RORA: variants seen among roughly 807,000 people sequenced by gnomAD.
RORA encodes the protein RAR related orphan receptor A.
In RORA, 7 loss-of-function variants were observed where a neutral mutation model predicts 69.5. The ratio of observed to expected loss-of-function variants is 0.10; its 90% confidence interval spans 0.06 to 0.19. RORA has a LOEUF of 0.19. RORA is among the 10% of genes least tolerant of loss of function. RORA has a pLI of 1.00. For missense variants in RORA, 457 were observed against 663.0 expected, an observed-to-expected ratio of 0.69 and a Z score of 3.41; for synonymous variants, 261 against 240.8, an observed-to-expected ratio of 1.08 and a Z score of -0.78.
At chr15:60,504,574 A>T (rs1446946309) in intron 6 of RORA, among the ~76,000 whole-genome samples, 1 of 152,130 alleles carries the variant, frequency 6.6e-6, no homozygotes, top group Non-Finnish European at 1.5e-5. Flanking sequence ...AAACTGGTGG[A>T]TATGGGAGCC....
chr15:60,901,497 T>C (rs780244376), intron 1 of RORA, among the ~76,000 whole-genome samples: 8 of 152,184 alleles, frequency 5.3e-5, no homozygotes, highest in Admixed American at 4.6e-4. Flanking sequence ...AATGGTTCTG[T>C]CCATTTTTAC....
intron 2 of RORA, among the ~76,000 whole-genome samples, chr15:60,657,981 G>C (rs1340889173): frequency 1.3e-5 from 2 of 152,156 alleles, no homozygotes; most frequent in African/African-American, 4.8e-5. Context: ...AAAATATTTA[G>C]ATGGTGCATT....
intron 1 of RORA, among the ~76,000 whole-genome samples, chr15:60,990,502 A>G (rs1894339565): frequency 6.6e-6 from 1 of 152,200 alleles, no homozygotes; most frequent in African/African-American, 2.4e-5. Flanking sequence ...TTCATTTCCA[A>G]TCATTCCCGG....
At chr15:60,792,668 T>G (rs1381601179) in intron 1 of RORA, among the ~76,000 whole-genome samples, 1 of 152,218 alleles carries the variant, frequency 6.6e-6, no homozygotes, top group South Asian at 2.1e-4. Flanking sequence ...TGAAAAACAT[T>G]GTCAACCCAG....
At chr15:60,568,857 G>C (rs1190374376) in intron 2 of RORA, among the ~76,000 whole-genome samples, 3 of 151,634 alleles carry the variant, frequency 2.0e-5, no homozygotes, top group South Asian at 2.1e-4. Context: ...GGAACAGGGA[G>C]TTGTTGATGA....
At chr15:60,703,621 C>T (rs1007197342) in intron 1 of RORA, among the ~76,000 whole-genome samples, 2 of 152,174 alleles carry the variant, frequency 1.3e-5, no homozygotes, top group African/African-American at 2.4e-5. Context: ...GAGGCTTAAT[C>T]TTCTTAATAG....
At chr15:61,064,889 A>G (rs534948619) in intron 1 of RORA, among the ~76,000 whole-genome samples, 2 of 152,216 alleles carry the variant, frequency 1.3e-5, no homozygotes, top group East Asian at 3.9e-4. Flanking sequence ...CCCTTCACAC[A>G]TAATGAAGCT....
intron 1 of RORA, among the ~76,000 whole-genome samples, chr15:61,082,900 C>T (rs1200436558): frequency 6.6e-6 from 1 of 152,114 alleles, no homozygotes; most frequent in African/African-American, 2.4e-5. Flanking sequence ...TCAGTAGAAG[C>T]TTAGAAAGCT....
At chr15:60,989,456 T>A (rs1161276761) in intron 1 of RORA, among the ~76,000 whole-genome samples, 1 of 152,264 alleles carries the variant, frequency 6.6e-6, no homozygotes, top group East Asian at 1.9e-4. Context: ...TATTTATGTA[T>A]CCATTAATCA....
chr15:60,780,928 C>T (rs1188906071), intron 1 of RORA, among the ~76,000 whole-genome samples: 1 of 152,224 alleles, frequency 6.6e-6, no homozygotes, highest in African/African-American at 2.4e-5. Flanking sequence ...ATGCAATCTT[C>T]CAAGTGCTTT....
At chr15:60,634,160 T>C (rs1287130152) in intron 2 of RORA, among the ~76,000 whole-genome samples, 1 of 152,192 alleles carries the variant, frequency 6.6e-6, no homozygotes, top group East Asian at 1.9e-4. Context: ...TTTTCTGTAA[T>C]GATGGAGTTT....
chr15:60,865,524 C>T (rs2073477969), intron 1 of RORA, among the ~76,000 whole-genome samples: 1 of 152,180 alleles, frequency 6.6e-6, no homozygotes, highest in Admixed American at 6.5e-5. Flanking sequence ...TTGGCCAGAA[C>T]CTCAATGCCC....
intron 1 of RORA, among the ~76,000 whole-genome samples, chr15:60,949,756 CT>C (rs1893024748): frequency 6.6e-6 from 1 of 152,202 alleles, no homozygotes; most frequent in African/African-American, 2.4e-5. Flanking sequence ...CATGTTGCTC[CT>C]CCTTATATCT....
chr15:60,946,601 G>A (rs1180004069), intron 1 of RORA, among the ~76,000 whole-genome samples: 2 of 152,156 alleles, frequency 1.3e-5, no homozygotes, highest in South Asian at 2.1e-4. Context: ...GTGCAGTGGC[G>A]TGATCTCGGG....
At chr15:60,716,550 C>CCTG (rs1446976383) in intron 1 of RORA, among the ~76,000 whole-genome samples, 2 of 152,096 alleles carry the variant, frequency 1.3e-5, no homozygotes, top group Non-Finnish European at 2.9e-5. Context: ...ATCCACAGTC[C>CCTG]CTGGCTCATA....
intron 1 of RORA, among the ~76,000 whole-genome samples, chr15:60,692,053 A>G (rs2070835164): frequency 6.6e-6 from 1 of 152,234 alleles, no homozygotes; most frequent in Non-Finnish European, 1.5e-5. Flanking sequence ...AGTGATTTCA[A>G]TATGCATAGT....
intron 2 of RORA, among the ~76,000 whole-genome samples, chr15:60,647,345 G>C (rs1657786): frequency 6.6e-6 from 1 of 152,224 alleles, no homozygotes; most frequent in African/African-American, 2.4e-5. Context: ...AGCCAGAAAA[G>C]ACAGAGACTT....
At chr15:61,060,000 A>G (rs138037638) in intron 1 of RORA, among the ~76,000 whole-genome samples, 363 of 109,954 alleles carry the variant, frequency 3.3e-3, no homozygotes, top group South Asian at 0.014. Flanking sequence ...AAGAAGAAGA[A>G]GAAGAAGAAG....
In RORA at chr15:61,129,051, C is replaced by T. The variant is rs1167368447; in HGVS notation, c.166+100002G>A. ...GAATAATTTAAGAATTCACATGTCT[C>T]GTTAACACTAAATGACTTTCCAGCT... On this transcript the variant is annotated intron_variant, in intron 1 of 10. Transcript: ENST00000335670. 3.3e-5 allele frequency among the ~76,000 whole-genome samples: 5 copies of T among 152,144 alleles called. No homozygotes were observed. In the South Asian group the frequency reaches 8.3e-4, roughly 25 times the overall value.
Sources: allele counts gnomAD v4.1 joint callset (sites outside exome capture counted in the v4.1 genomes callset), GRCh38; gene constraint gnomAD v4.1.1; transcripts MANE v1.5; gene names NCBI Gene and HGNC (gene_info 2026-07-23, HGNC 2026-07-21).